The following TCF4 variants were observed in gnomAD, a reference collection of about 807,000 sequenced individuals.
TCF4 encodes the protein SL3-3 enhancer factor 2.
In TCF4, 3 loss-of-function variants were observed where a neutral mutation model predicts 82.1. The ratio of observed to expected loss-of-function variants is 0.04; its 90% CI spans 0.02 to 0.09. The LOEUF is 0.09. Among genes scored for constraint, TCF4 ranks in the 10% least tolerant of loss-of-function variants. TCF4 has a pLI of 1.00. For synonymous variants in TCF4, 276 were observed against 309.6 expected (o/e 0.89, Z 1.14); for missense variants, 518 against 852.7 (o/e 0.61, Z 4.89).
intron 3 of TCF4, among the ~76,000 whole-genome samples, chr18:55,529,903 A>T (rs1193058216): frequency 1.3e-5 from 2 of 152,104 alleles, no homozygotes; most frequent in Non-Finnish European, 2.9e-5. Context: ...CTTTCATGGC[A>T]CATGTCCTAG....
chr18:55,264,233 ACTT>A (rs907938239), intron 11 of TCF4, among the ~76,000 whole-genome samples: 1 of 152,186 alleles, frequency 6.6e-6, no homozygotes, highest in Admixed American at 6.6e-5. Context: ...AATAGAATCA[ACTT>A]CTTACCTCAT....
At chr18:55,410,559 A>G (rs1009477606) in intron 5 of TCF4, among the ~76,000 whole-genome samples, 2 of 152,104 alleles carry the variant, frequency 1.3e-5, no homozygotes, top group African/African-American at 4.8e-5. Flanking sequence ...CCATGTTTTT[A>G]TAGACGAAGT....
intron 2 of TCF4, among the ~76,000 whole-genome samples, chr18:55,603,324 C>T (rs2097699106): frequency 1.3e-5 from 2 of 152,122 alleles, no homozygotes; most frequent in African/African-American, 2.4e-5. Flanking sequence ...GAGATCTAGG[C>T]AAAGCTCTGA....
At chr18:55,371,059 A>T (rs1227674737) in intron 6 of TCF4, among the ~76,000 whole-genome samples, 1 of 152,220 alleles carries the variant, frequency 6.6e-6, no homozygotes, top group African/African-American at 2.4e-5. Context: ...CCAAATGAAC[A>T]TGTCATGTAG....
At chr18:55,316,608 A>C (rs553102055) in intron 8 of TCF4, among the ~76,000 whole-genome samples, 30 of 152,252 alleles carry the variant, frequency 2.0e-4, no homozygotes, top group African/African-American at 6.5e-4. Flanking sequence ...ACTACAATTT[A>C]GTAGAAACAA....
intron 12 of TCF4, 173 bp downstream of exon 12, chr18:55,261,293 G>A: frequency 1.3e-6 from 1 of 764,264 alleles, no homozygotes; most frequent in Non-Finnish European, 2.3e-6. Flanking sequence ...ACTATATACT[G>A]GAAGCTTCAG....
chr18:55,384,432 T>C lies in TCF4; in HGVS notation c.369+19022A>G, dbSNP rs530635356. Reference sequence around the variant, plus strand: ...CGTCTTCAACTGCTCCTGTTCTCCCTACCCCCAGTGTCATCAGTACTGTGA... The same window carrying C: ...CGTCTTCAACTGCTCCTGTTCTCCCCACCCCCAGTGTCATCAGTACTGTGA... On this transcript the variant is annotated intron_variant, in intron 6 of 19. Transcript: ENST00000354452. Among the ~76,000 whole-genome samples, 33 of 152,312 alleles carry C rather than the reference T, an allele frequency of 2.2e-4. 1 individual carries two copies. Among genetic ancestry groups the C allele is most frequent in the Middle Eastern group, 6.8e-3 (2 of 294 alleles).
chr18:55,587,323 A>C, intron 1 of TCF4, 187 bp from the exon 2 acceptor site: 1 of 126,638 alleles, frequency 7.9e-6, no homozygotes, highest in Non-Finnish European at 1.5e-5. Flanking sequence ...TTAAGATGGA[A>C]TAGGCAGCAA....
At chr18:55,242,336 C>T (rs897902423) in intron 15 of TCF4, among the ~76,000 whole-genome samples, 1 of 152,186 alleles carries the variant, frequency 6.6e-6, no homozygotes, top group Non-Finnish European at 1.5e-5. Flanking sequence ...GGCATCCCAT[C>T]CCAAGGACAG....
chr18:55,356,965 A>G lies in TCF4; in HGVS notation c.370-5962T>C, dbSNP rs202165071. ...TCCTTATAAGGAAACACACCACCTT[A>G]TATTTAAATGTCATAATGTGATGCA... On this transcript the variant is annotated intron_variant, in intron 6 of 19. Transcript: ENST00000354452. Among the ~76,000 whole-genome samples, 12 of 152,282 alleles carry G rather than the reference A, an allele frequency of 7.9e-5. 1 individual carries two copies. In the East Asian group the frequency reaches 2.1e-3, roughly 27 times the overall value.
intron 3 of TCF4, among the ~76,000 whole-genome samples, chr18:55,529,984 G>C (rs750213798): frequency 6.6e-6 from 1 of 152,136 alleles, no homozygotes; most frequent in Non-Finnish European, 1.5e-5. Context: ...TGCTGTTTCT[G>C]AGATAATACG....
intron 8 of TCF4, among the ~76,000 whole-genome samples, chr18:55,330,351 T>C (rs2077324266): frequency 6.6e-6 from 1 of 151,948 alleles, no homozygotes. Context: ...AGATAGTTTT[T>C]GTATTTTTAG....
At chr18:55,470,206 C>T (rs568712291) in intron 3 of TCF4, among the ~76,000 whole-genome samples, 42 of 152,216 alleles carry the variant, frequency 2.8e-4, no homozygotes, top group Admixed American at 5.2e-4. Flanking sequence ...GTACTTGATC[C>T]GTAGTAAATA....
At chr18:55,419,350 C>A (rs916312055) in intron 5 of TCF4, among the ~76,000 whole-genome samples, 2 of 152,270 alleles carry the variant, frequency 1.3e-5, no homozygotes, top group Middle Eastern at 3.4e-3. Flanking sequence ...AAAAAATCTA[C>A]AGTAGAGGGA....
At chr18:55,448,082 T>C (rs1022459725) in intron 5 of TCF4, among the ~76,000 whole-genome samples, 6 of 152,196 alleles carry the variant, frequency 3.9e-5, no homozygotes, top group African/African-American at 1.2e-4. Context: ...TTCTATGCAG[T>C]GTTTTGCCAC....
intron 3 of TCF4, among the ~76,000 whole-genome samples, chr18:55,497,311 C>A (rs1365658211): frequency 1.3e-5 from 2 of 152,042 alleles, no homozygotes; most frequent in Non-Finnish European, 2.9e-5. Context: ...AGGAAATGAG[C>A]TTGAATAAGA....
chr18:55,469,823 G>T (rs1015533742), intron 3 of TCF4, among the ~76,000 whole-genome samples: 9 of 152,176 alleles, frequency 5.9e-5, no homozygotes, highest in African/African-American at 2.2e-4. Flanking sequence ...AAGCAAGTTT[G>T]ATTTCCATTC....
chr18:55,453,445 T>C lies in TCF4; in HGVS notation c.304+7574A>G, dbSNP rs75756131. ...CCTGATACAAATTGCTTTTTACTTT[T>C]ATGTGAAGCTTAAATGATTTATCTT... is the stretch of plus-strand genomic sequence containing the variant. On this transcript the variant is annotated intron_variant, in intron 5 of 19. Transcript: ENST00000354452. 7.7e-4 allele frequency among the ~76,000 whole-genome samples: 117 copies of C among 152,380 alleles called. 1 individual carries two copies. In the East Asian group the frequency reaches 0.021, roughly 27 times the overall value.
intron 3 of TCF4, among the ~76,000 whole-genome samples, chr18:55,522,457 C>A (rs963883927): frequency 3.3e-5 from 5 of 152,076 alleles, no homozygotes; most frequent in African/African-American, 9.7e-5. Flanking sequence ...TAGAAAACAT[C>A]ACATTTGACA....
Sources: gnomAD v4.1 joint callset for allele counts (sites outside exome capture counted in the v4.1 genomes callset) on GRCh38, gnomAD v4.1.1 for gene constraint, MANE v1.5 for transcripts, NCBI Gene and HGNC (gene_info 2026-07-23, HGNC 2026-07-21) for gene names.